Variants in ATXN1 observed in about 807,000 individuals in gnomAD.
The protein encoded by ATXN1 is ataxin 1.
In ATXN1, 8 loss-of-function variants were observed where a neutral mutation model predicts 56.4. The ratio of observed to expected loss-of-function variants is 0.14; its 90% CI spans 0.08 to 0.26. The LOEUF is 0.26. Ranked by LOEUF, ATXN1 falls within the 10% of genes least tolerant of loss-of-function variation. The pLI is 1.00. For synonymous variants in ATXN1, 514 were observed against 494.6 expected, an observed-to-expected ratio of 1.04 and a Z score of -0.52; for missense variants, 987 against 1,106.5, an observed-to-expected ratio of 0.89 and a Z score of 1.53.
chr6:16,607,442 T>TTAATTGA (rs1283276241), intron 3 of ATXN1, among the ~76,000 whole-genome samples: 1 of 152,232 alleles, frequency 6.6e-6, no homozygotes, highest in African/African-American at 2.4e-5. Context: ...CATGATCCAC[T>TTAATTGA]TAATTGATAT....
intron 2 of ATXN1, among the ~76,000 whole-genome samples, chr6:16,709,239 C>T (rs1759474180): frequency 6.6e-6 from 1 of 152,022 alleles, no homozygotes; most frequent in Non-Finnish European, 1.5e-5. Flanking sequence ...GGGGATATCA[C>T]TATAAATCCT....
chr6:16,403,880 T>G (rs393740), intron 6 of ATXN1, among the ~76,000 whole-genome samples: 1 of 151,858 alleles, frequency 6.6e-6, no homozygotes. Flanking sequence ...ATACTCTCCC[T>G]GCTATGGTTA....
At chr6:16,383,633 T>C (rs1003281998) in intron 6 of ATXN1, among the ~76,000 whole-genome samples, 1 of 152,078 alleles carries the variant, frequency 6.6e-6, no homozygotes, top group Non-Finnish European at 1.5e-5. Context: ...AAACAATTTA[T>C]TCATTTAACA....
chr6:16,369,652 T>C (rs2113488590), intron 6 of ATXN1, among the ~76,000 whole-genome samples: 1 of 152,332 alleles, frequency 6.6e-6, no homozygotes, highest in East Asian at 1.9e-4. Flanking sequence ...AAGTCTTCAA[T>C]GCTCTCTGCC....
intron 3 of ATXN1, among the ~76,000 whole-genome samples, chr6:16,634,656 T>C (rs980849421): frequency 6.6e-6 from 1 of 152,228 alleles, no homozygotes; most frequent in African/African-American, 2.4e-5. Context: ...GGACCTTTCA[T>C]ATAAATGAAA....
chr6:16,322,099 CCA>C, intron 7 of ATXN1, among the ~76,000 whole-genome samples: 1 of 152,080 alleles, frequency 6.6e-6, no homozygotes, highest in Non-Finnish European at 1.5e-5. Flanking sequence ...TGGTACACAC[CCA>C]TAGTCCCAGC....
intron 6 of ATXN1, among the ~76,000 whole-genome samples, chr6:16,362,977 G>T (rs1761843016): frequency 6.6e-6 from 1 of 152,138 alleles, no homozygotes; most frequent in Non-Finnish European, 1.5e-5. Flanking sequence ...AATTAAATGA[G>T]GTGCTTCACA....
rs143162188 is a variant in ATXN1 at position 16,477,463 on chromosome 6, C to G, written c.-161+8509G>C. 3.1e-3 allele frequency among the ~76,000 whole-genome samples: 470 copies of G among 152,254 alleles called. 2 individuals carry two copies. The highest frequency in any genetic ancestry group is 0.01 in the African/African-American group (417 of 41,536). ...GCAATTAAGAAGATTACAAAGTGAG[C>G]CATATTCCTCTTCAAGGCTGGGTGC... is the stretch of plus-strand genomic sequence containing the variant. On this transcript the variant is annotated intron_variant, in intron 6 of 7. Transcript: ENST00000436367.
intron 6 of ATXN1, among the ~76,000 whole-genome samples, chr6:16,424,402 G>T (rs1407414941): frequency 6.6e-6 from 1 of 152,192 alleles, no homozygotes; most frequent in Non-Finnish European, 1.5e-5. Flanking sequence ...GGGGAAGTCT[G>T]TTGGGAGCCT....
At chr6:16,696,355 G>A (rs569762509) in intron 2 of ATXN1, among the ~76,000 whole-genome samples, 1 of 152,156 alleles carries the variant, frequency 6.6e-6, no homozygotes, top group Non-Finnish European at 1.5e-5. Flanking sequence ...GCATCAGGAC[G>A]CTACTATGTC....
chr6:16,736,286 T>C (rs1054622515), intron 2 of ATXN1, among the ~76,000 whole-genome samples: 14 of 152,248 alleles, frequency 9.2e-5, no homozygotes, highest in Admixed American at 8.5e-4. Flanking sequence ...CTTTGGGAAA[T>C]ATATACGTTC....
chr6:16,365,079 C>T (rs1354725579), intron 6 of ATXN1, among the ~76,000 whole-genome samples: 1 of 152,030 alleles, frequency 6.6e-6, no homozygotes, highest in Non-Finnish European at 1.5e-5. Flanking sequence ...TTTTATTACA[C>T]TTTAAGTTCT....
At chr6:16,483,967 G>A (rs1760490080) in intron 6 of ATXN1, among the ~76,000 whole-genome samples, 1 of 152,192 alleles carries the variant, frequency 6.6e-6, no homozygotes, top group African/African-American at 2.4e-5. Context: ...ATGATTTCTA[G>A]TAAAACACAC....
At chr6:16,567,491 GA>G (rs1264889656) in intron 4 of ATXN1, among the ~76,000 whole-genome samples, 1 of 152,176 alleles carries the variant, frequency 6.6e-6, no homozygotes, top group Non-Finnish European at 1.5e-5. Flanking sequence ...GTGCATGTGT[GA>G]GGGGGGAACA....
intron 1 of ATXN1, chr6:16,761,081 C>T (rs912884691): frequency 2.8e-6 from 1 of 357,474 alleles, no homozygotes; most frequent in African/African-American, 2.1e-5. Flanking sequence ...CACACACACA[C>T]ACACACGCAC....
chr6:16,513,642 C>G (rs1248370631), intron 5 of ATXN1, among the ~76,000 whole-genome samples: 1 of 152,152 alleles, frequency 6.6e-6, no homozygotes, highest in Non-Finnish European at 1.5e-5. Context: ...TGATCAAGAG[C>G]GTCACGTGTC....
chr6:16,451,216 C>A (rs1032530039), intron 6 of ATXN1, among the ~76,000 whole-genome samples: 2 of 152,160 alleles, frequency 1.3e-5, no homozygotes, highest in Non-Finnish European at 1.5e-5. Flanking sequence ...GCCTGTAATC[C>A]CAGAACTTTG....
chr6:16,759,528 C>CTAT (rs1264650257), intron 1 of ATXN1, among the ~76,000 whole-genome samples: 1 of 64,472 alleles, frequency 1.6e-5, no homozygotes, highest in African/African-American at 7.6e-5. Flanking sequence ...CTTCTTCCGA[C>CTAT]TGTTTTTTTT....
rs150902799 is a variant in ATXN1 at position 16,756,774 on chromosome 6, T to G, written c.-729-3427A>C. On this transcript the variant is annotated intron_variant, in intron 1 of 7. Transcript: ENST00000436367. The stretch of plus-strand genomic sequence containing the variant: ...GTGTTATTTTCAGATAACTACAGTT[T>G]AAAGAATTAACATTCACTCCCACAT... 3.0e-4 allele frequency among the ~76,000 whole-genome samples: 46 copies of G among 152,352 alleles called. No homozygotes were observed. In the East Asian group the frequency reaches 8.9e-3, roughly 29 times the overall value.
Sources: gnomAD v4.1 joint callset for allele counts (sites outside exome capture counted in the v4.1 genomes callset) on GRCh38, gnomAD v4.1.1 for gene constraint, MANE v1.5 for transcripts, NCBI Gene and HGNC (gene_info 2026-07-23, HGNC 2026-07-21) for gene names.